The following DNAH6 variants were observed in gnomAD, a reference collection of about 807,000 sequenced individuals.
DNAH6 encodes axonemal beta dynein heavy chain 6.
DNAH6 carries 340 observed loss-of-function variants against 491.4 expected under a neutral mutation model. The observed-to-expected ratio is 0.69, with a 90% CI of 0.63 to 0.76. The LOEUF is 0.76. DNAH6 is among the 30% of genes least tolerant of loss of function. The pLI is 0.00. For missense variants in DNAH6, 4,443 were observed against 4,972.2 expected (o/e 0.89, Z 3.20); for synonymous variants, 1,603 against 1,686.1 (o/e 0.95, Z 1.21).
intron 63 of DNAH6, among the ~76,000 whole-genome samples, chr2:84,746,401 A>T (rs535245332): frequency 2.0e-5 from 3 of 152,362 alleles, no homozygotes; most frequent in Non-Finnish European, 2.9e-5. Context: ...GGAGAAAAAA[A>T]AAGTGTCATG....
chr2:84,697,250 A>G (rs1057002532), intron 46 of DNAH6, among the ~76,000 whole-genome samples: 1 of 152,182 alleles, frequency 6.6e-6, no homozygotes, highest in Admixed American at 6.5e-5. Context: ...CTGCTTCTAT[A>G]TTTTTGATAA....
At chr2:84,625,440 TG>T (rs1209320559) in intron 29 of DNAH6, among the ~76,000 whole-genome samples, 1 of 152,124 alleles carries the variant, frequency 6.6e-6, no homozygotes, top group Non-Finnish European at 1.5e-5. Flanking sequence ...ATGAAATATG[TG>T]GGAGGTGAGA....
At position 84,784,748 on chromosome 2, in the gene DNAH6, C is replaced by CT; in HGVS notation, c.10898dup (p.Leu3633PhefsTer6). 1.3e-6 allele frequency: 2 copies of CT among 1,550,640 alleles called. No individual in the cohort carries two copies. Among genetic ancestry groups the CT allele is most frequent in the Admixed American group, 2.0e-5 (1 of 50,966 alleles). Reference sequence around the variant, plus strand: ...TAGTGCTATCAAGGACACTTTTCGACTTTTTTTAAGCTCCATGCCTAGTAA... The same window carrying CT: ...TAGTGCTATCAAGGACACTTTTCGACTTTTTTTTAAGCTCCATGCCTAGTAA... On this transcript the variant is annotated frameshift_variant, in exon 66 of 77. Coordinates refer to ENST00000389394, the MANE Select transcript of DNAH6 (RefSeq NM_001370.2). LOFTEE classifies it high-confidence loss of function.
intron 33 of DNAH6, among the ~76,000 whole-genome samples, 164 bp from the exon 34 acceptor site, chr2:84,653,155 T>C (rs184119555): frequency 1.8e-4 from 28 of 152,034 alleles, no homozygotes; most frequent in Admixed American, 1.8e-3. Context: ...ATCAGAGAAA[T>C]GATAGATTCT....
chr2:84,743,892 C>CA (rs1273973786), intron 62 of DNAH6, among the ~76,000 whole-genome samples: 5 of 152,128 alleles, frequency 3.3e-5, no homozygotes, highest in Non-Finnish European at 7.4e-5. Flanking sequence ...TATTTTCTCC[C>CA]ATCATTTCCT....
At position 84,727,773 on chromosome 2, in the gene DNAH6, A is replaced by C; in HGVS notation, c.10077A>C (p.Ser3359=). 6.4e-7 allele frequency: 1 copy of C among 1,551,528 alleles called. No individual in the cohort carries two copies. Among genetic ancestry groups the C allele is most frequent in the Non-Finnish European group, 8.7e-7 (1 of 1,146,722 alleles). The change falls in exon 61 of 77, where the codon TCA becomes TCC. Residue 3359 remains serine, a synonymous_variant. Coordinates refer to ENST00000389394, the MANE Select transcript of DNAH6 (RefSeq NM_001370.2). ...QTLLTAYVNV[S]RGLFEQHKLI... ...TCCTAACTGCTTATGTCAATGTTTCAAGAGGACTTTTTGAGCAACATAAAC... is the reference window on the plus strand; with the variant it reads ...TCCTAACTGCTTATGTCAATGTTTCCAGAGGACTTTTTGAGCAACATAAAC...
intron 43 of DNAH6, among the ~76,000 whole-genome samples, chr2:84,686,187 CA>C (rs35851483): frequency 0.41 from 48,863 of 120,424 alleles, 10,132 homozygotes; most frequent in African/African-American, 0.66. Flanking sequence ...GACTCCGTCT[CA>C]AAAAAAAAAA....
intron 44 of DNAH6, among the ~76,000 whole-genome samples, chr2:84,687,273 T>C (rs974853152): frequency 3.9e-5 from 6 of 152,328 alleles, no homozygotes; most frequent in African/African-American, 1.4e-4. Flanking sequence ...GTTGTTTTAC[T>C]AAGGTGCCTC....
At chr2:84,634,206 T>C (rs1360713657) in intron 29 of DNAH6, among the ~76,000 whole-genome samples, 1 of 152,220 alleles carries the variant, frequency 6.6e-6, no homozygotes, top group Non-Finnish European at 1.5e-5. Context: ...TGTGTTAAAC[T>C]ATTTGAGAAT....
chr2:84,745,307 A>C, intron 63 of DNAH6, 58 bp downstream of exon 63: 1 of 1,209,984 alleles, frequency 8.3e-7, no homozygotes, highest in Non-Finnish European at 1.1e-6. Context: ...AAAGCTCACT[A>C]GCCAGTTATG....
intron 29 of DNAH6, among the ~76,000 whole-genome samples, chr2:84,633,132 G>A (rs1204236131): frequency 6.6e-6 from 1 of 152,130 alleles, no homozygotes; most frequent in Non-Finnish European, 1.5e-5. Context: ...AGCCCACATC[G>A]AATGCCAAAT....
At chr2:84,538,028 G>T (rs1355830455) in intron 4 of DNAH6, among the ~76,000 whole-genome samples, 1 of 152,076 alleles carries the variant, frequency 6.6e-6, no homozygotes, top group African/African-American at 2.4e-5. Flanking sequence ...ACTCTTTAAG[G>T]TAGGTAGGAT....
the DNAH6 span, among the ~76,000 whole-genome samples, chr2:84,490,978 T>G: frequency 1.8e-4 from 27 of 152,268 alleles, no homozygotes; most frequent in African/African-American, 6.5e-4. Flanking sequence ...TATAGTGCAT[T>G]GGGTAAATGT....
At position 84,659,101 on chromosome 2, in the gene DNAH6, A is replaced by T. The variant is rs1360630530; in HGVS notation, c.6016A>T (p.Thr2006Ser). The change falls in exon 37 of 77, where the codon ACT (threonine) becomes TCT (serine). Residue 2006 changes from threonine to serine, a missense_variant. Thr to Ser is a moderately conservative substitution (Grantham distance 58, BLOSUM62 1). Coordinates refer to ENST00000389394, the MANE Select transcript of DNAH6 (RefSeq NM_001370.2). ...CYLWSLGGNL[T>S]ENYYDSFDTF... ...TTTGTGGTCTTTGGGTGGAAACCTA[A>T]CTGAAAACTACTATGATTCTTTTGA... The T allele has an allele frequency of 6.6e-7, 1 of 1,516,198 alleles. No homozygotes were observed. The highest frequency in any genetic ancestry group is 1.2e-5 in the South Asian group (1 of 81,330). 93.9% of individuals were successfully genotyped at this position (1,516,198 alleles called of 1,614,324 possible).
the DNAH6 span, among the ~76,000 whole-genome samples, chr2:84,505,874 CA>C: frequency 6.6e-6 from 1 of 152,166 alleles, no homozygotes; most frequent in Non-Finnish European, 1.5e-5. Context: ...CATGTCCCTA[CA>C]AAGGACATGA....
the DNAH6 span, among the ~76,000 whole-genome samples, chr2:84,509,054 G>A: frequency 6.6e-6 from 1 of 152,124 alleles, no homozygotes; most frequent in Non-Finnish European, 1.5e-5. Flanking sequence ...GTTGATTTGG[G>A]GTGGAGAGTT....
At chr2:84,543,136 G>A (rs1678431816) in intron 4 of DNAH6, among the ~76,000 whole-genome samples, 1 of 152,136 alleles carries the variant, frequency 6.6e-6, no homozygotes, top group Admixed American at 6.5e-5. Context: ...TCCATCCTGG[G>A]CAACAGAGCG....
intron 26 of DNAH6, among the ~76,000 whole-genome samples, chr2:84,623,373 C>T (rs1488424471): frequency 6.6e-6 from 1 of 152,132 alleles, no homozygotes; most frequent in Admixed American, 6.6e-5. Flanking sequence ...ACTCTTTTGA[C>T]TCCAAATTCA....
intron 45 of DNAH6, 31 bp downstream of exon 45, chr2:84,688,624 T>C (rs1051095504): frequency 6.7e-7 from 1 of 1,484,494 alleles, no homozygotes; most frequent in Admixed American, 2.9e-5. Flanking sequence ...CAATAATGCA[T>C]TGATTTAATA....
Sources: gnomAD v4.1 joint callset for allele counts (sites outside exome capture counted in the v4.1 genomes callset) on GRCh38, gnomAD v4.1.1 for gene constraint, MANE v1.5 for transcripts, NCBI Gene and HGNC (gene_info 2026-07-23, HGNC 2026-07-21) for gene names.